The following TMIGD1 variants were observed in gnomAD, a reference collection of about 807,000 sequenced individuals.
TMIGD1 encodes transmembrane and immunoglobulin domain containing 1.
Under a neutral mutation model 27.5 loss-of-function variants are expected in TMIGD1, and 29 were observed. The observed-to-expected ratio is 1.05, with a 90% CI of 0.78 to 1.44. The LOEUF (loss-of-function observed/expected upper bound fraction) is 1.44. TMIGD1 is among the 40% of genes most tolerant of loss of function. The pLI is 0.00. For missense variants in TMIGD1, 334 were observed against 310.6 expected (o/e 1.08, Z -0.57); for synonymous variants, 109 against 110.3 (o/e 0.99, Z 0.07).
chr17:30,317,172 G>T (rs750837434), intron 6 of TMIGD1, 21 bp downstream of exon 6: 1 of 1,613,604 alleles, frequency 6.2e-7, no homozygotes, highest in Non-Finnish European at 8.5e-7. Flanking sequence ...AAAAGCACTG[G>T]TCCCGGCCTA....
intron 3 of TMIGD1, among the ~76,000 whole-genome samples, chr17:30,327,974 A>G (rs3103306): frequency 0.36 from 55,373 of 151,800 alleles, 10,681 homozygotes; most frequent in Admixed American, 0.43. Context: ...CTGGAACCCA[A>G]TCATTGAAAA....
intron 4 of TMIGD1, among the ~76,000 whole-genome samples, chr17:30,322,747 G>A (rs1040600871): frequency 5.3e-5 from 8 of 152,116 alleles, no homozygotes; most frequent in South Asian, 2.1e-4. Context: ...TGATCCACCC[G>A]CCTCGGCCTC....
chr17:30,324,209 T>C (rs770372905), intron 4 of TMIGD1, among the ~76,000 whole-genome samples: 1 of 152,192 alleles, frequency 6.6e-6, no homozygotes, highest in African/African-American at 2.4e-5. Flanking sequence ...ACCCCAGGTA[T>C]TTTGCCTTTC....
At chr17:30,327,738 C>A (rs983102462) in intron 3 of TMIGD1, among the ~76,000 whole-genome samples, 1 of 129,034 alleles carries the variant, frequency 7.7e-6, no homozygotes, top group African/African-American at 2.7e-5. Context: ...TAAAAACACA[C>A]CTTATTTTTT....
At chr17:30,324,226 T>G (rs1468694762) in intron 4 of TMIGD1, among the ~76,000 whole-genome samples, 1 of 152,214 alleles carries the variant, frequency 6.6e-6, no homozygotes, top group Admixed American at 6.5e-5. Flanking sequence ...TTTCTCTTTT[T>G]GTATGAGCAA....
Position 30,324,845 on chromosome 17 carries a change from T to C in TMIGD1, c.611A>G (p.Glu204Gly), listed in dbSNP as rs1909721887. ...AACAATCAGGTGAAAGTCCAAGCTC[T>C]CCGTTTTCAGAGATGACTTTGCAAT... Reference protein sequence around the residue: ...SCIAKSSLKTESLDFHLIVKD... With the variant: ...SCIAKSSLKTGSLDFHLIVKD... The change falls in exon 4 of 7, where the codon GAG becomes GGG. Residue 204 changes from glutamate (E) to glycine (G), a missense_variant. Glu to Gly is a moderately conservative substitution (Grantham distance 98, BLOSUM62 -2). Coordinates refer to ENST00000328886, the MANE Select transcript of TMIGD1 (RefSeq NM_206832.3). 1.2e-6 allele frequency: 2 copies of C among 1,614,142 alleles called. No homozygotes were observed. The highest frequency in any genetic ancestry group is 2.7e-5 in the African/African-American group (2 of 75,064).
chr17:30,329,922 T>A (rs1375199714), intron 2 of TMIGD1, among the ~76,000 whole-genome samples: 137 of 145,872 alleles, frequency 9.4e-4, no homozygotes, highest in African/African-American at 3.2e-3. Context: ...AATAAAAAAA[T>A]AAAAAAAAAA....
chr17:30,319,936 G>A (rs1909562120), intron 4 of TMIGD1, among the ~76,000 whole-genome samples: 1 of 152,136 alleles, frequency 6.6e-6, no homozygotes, highest in Non-Finnish European at 1.5e-5. Flanking sequence ...CAAAGAGAGA[G>A]AGCCTACTTC....
intron 4 of TMIGD1, among the ~76,000 whole-genome samples, chr17:30,322,637 T>C (rs1909656105): frequency 6.6e-6 from 1 of 152,182 alleles, no homozygotes; most frequent in African/African-American, 2.4e-5. Flanking sequence ...GTAGCTGGGA[T>C]TACAGGTGGC....
rs935681965 is a variant in TMIGD1 at position 30,318,361 on chromosome 17, C to T, written c.744+449G>A. Among the ~76,000 whole-genome samples the T allele has an allele frequency of 2.0e-5, 3 of 152,174 alleles. No individual in the cohort carries two copies. The South Asian group carries it at 6.2e-4, about 32-fold the overall frequency. On this transcript the variant is annotated intron_variant, in intron 5 of 6. Coordinates refer to ENST00000328886, the MANE Select transcript of TMIGD1 (RefSeq NM_206832.3). ...GAATCATACCAACCAACGAGGATAACCACTTTATAATTCAAACACCAGTCC... is the reference window on the plus strand; with the variant it reads ...GAATCATACCAACCAACGAGGATAATCACTTTATAATTCAAACACCAGTCC...
intron 2 of TMIGD1, among the ~76,000 whole-genome samples, chr17:30,330,993 G>T (rs1042770817): frequency 3.9e-5 from 6 of 152,140 alleles, no homozygotes; most frequent in Non-Finnish European, 8.8e-5. Flanking sequence ...AAAAGTTTGA[G>T]ACCAGCCTGG....
rs780236190 is a variant in TMIGD1 at position 30,325,004 on chromosome 17, G to A, written c.452C>T (p.Ala151Val). The change falls in exon 4 of 7, where the codon GCT (alanine) becomes GTT (valine). Residue 151 changes from alanine (A) to valine (V), a missense_variant. By Grantham distance (64) the Ala-to-Val change is moderately conservative. Coordinates refer to ENST00000328886, the MANE Select transcript of TMIGD1 (RefSeq NM_206832.3). The stretch of plus-strand genomic sequence containing the variant: ...ACTGTTTTTGTACCACATCATTTGA[G>A]CCTGGGGGTTGGCTTTCACATTGCA... Reference protein sequence around the residue: ...LVCNVKANPQAQMMWYKNSSL... With the variant: ...LVCNVKANPQVQMMWYKNSSL... 6.2e-7 allele frequency: 1 copy of A among 1,614,040 alleles called. No individual in the cohort carries two copies. The highest frequency in any genetic ancestry group is 8.5e-7 in the Non-Finnish European group (1 of 1,179,978).
intron 4 of TMIGD1, among the ~76,000 whole-genome samples, chr17:30,322,075 C>T (rs763530483): frequency 2.0e-5 from 3 of 152,098 alleles, no homozygotes; most frequent in Non-Finnish European, 2.9e-5. Context: ...GCAACCCTCC[C>T]GCTCGGTCTC....
intron 1 of TMIGD1, among the ~76,000 whole-genome samples, chr17:30,332,705 C>G (rs563679842): frequency 6.6e-6 from 1 of 152,160 alleles, no homozygotes; most frequent in South Asian, 2.1e-4. Context: ...TCTCTCTTCC[C>G]CTTGACCCAA....
intron 4 of TMIGD1, among the ~76,000 whole-genome samples, chr17:30,319,555 T>C (rs544596042): frequency 5.9e-4 from 90 of 151,930 alleles, no homozygotes; most frequent in African/African-American, 2.1e-3. Context: ...GTAGACCATT[T>C]TGTGCTTCCT....
chr17:30,324,830 T>G lies in TMIGD1; in HGVS notation c.626A>C (p.His209Pro). 6.2e-7 allele frequency: 1 copy of G among 1,614,006 alleles called. No individual in the cohort carries two copies. Among genetic ancestry groups the G allele is most frequent in the East Asian group, 2.2e-5 (1 of 44,876 alleles). ...SSLKTESLDFHLIVKDKTVGV... is the reference protein window; with the variant it reads ...SSLKTESLDFPLIVKDKTVGV... Reference sequence around the variant, plus strand: ...AAGAGCATTACCTTTAACAATCAGGTGAAAGTCCAAGCTCTCCGTTTTCAG... The same window carrying G: ...AAGAGCATTACCTTTAACAATCAGGGGAAAGTCCAAGCTCTCCGTTTTCAG... The change falls in exon 4 of 7, where the codon CAC (histidine) becomes CCC (proline). Residue 209 changes from histidine (H) to proline (P), a missense_variant. Coordinates refer to ENST00000328886, the MANE Select transcript of TMIGD1 (RefSeq NM_206832.3).
chr17:30,333,202 T>G (rs545112974), intron 1 of TMIGD1, among the ~76,000 whole-genome samples: 56 of 150,138 alleles, frequency 3.7e-4, no homozygotes, highest in African/African-American at 1.3e-3. Flanking sequence ...CTGAGGCAGG[T>G]GGATTACCTG....
At chr17:30,330,927 C>T (rs1286549358) in intron 2 of TMIGD1, among the ~76,000 whole-genome samples, 1 of 152,220 alleles carries the variant, frequency 6.6e-6, no homozygotes, top group Non-Finnish European at 1.5e-5. Flanking sequence ...GGCATGGTGG[C>T]TCATGCCTGT....
chr17:30,329,281 C>T lies in TMIGD1; in HGVS notation c.331G>A (p.Val111Met), dbSNP rs768181695. ...FTCRLGRDQS[V>M]SVSVVLNVTF... ...ACATTCAGCACCACCGAAACGGACACGGACTGATCCCTCCCCAGCCTGCAG... is the reference window on the plus strand; with the variant it reads ...ACATTCAGCACCACCGAAACGGACATGGACTGATCCCTCCCCAGCCTGCAG... The change falls in exon 3 of 7, where the codon GTG (valine) becomes ATG (methionine). Residue 111 changes from valine (V) to methionine (M), a missense_variant. Transcript: ENST00000328886. 20 of 1,614,096 alleles carry T rather than the reference C, an allele frequency of 1.2e-5. No individual in the cohort carries two copies. The highest frequency in any genetic ancestry group is 7.7e-5 in the South Asian group (7 of 91,078).
Sources: gnomAD v4.1 joint callset for allele counts (sites outside exome capture counted in the v4.1 genomes callset) on GRCh38, gnomAD v4.1.1 for gene constraint, MANE v1.5 for transcripts, NCBI Gene and HGNC (gene_info 2026-07-23, HGNC 2026-07-21) for gene names.